The following RBFOX1 variants were observed in gnomAD, a reference collection of about 807,000 sequenced individuals.
RBFOX1 encodes RNA binding protein fox-1 homolog 1.
In RBFOX1, 8 loss-of-function variants were observed where a neutral mutation model predicts 57.7. That is an observed-to-expected ratio of 0.14 (90% CI 0.08 to 0.25). The LOEUF is 0.25. Among genes scored for constraint, RBFOX1 ranks in the 10% least tolerant of loss-of-function variants. The pLI, the probability that RBFOX1 is intolerant of heterozygous loss-of-function variation, is 1.00. For missense variants in RBFOX1, 611 were observed against 548.5 expected (o/e 1.11, Z -1.14); for synonymous variants, 326 against 222.4 (o/e 1.47, Z -4.15).
chr16:7,175,634 C>G (rs560945836), intron 4 of RBFOX1, among the ~76,000 whole-genome samples: 1 of 152,182 alleles, frequency 6.6e-6, no homozygotes, highest in Non-Finnish European at 1.5e-5. Context: ...TTATCTCACC[C>G]CAACAGCTGT....
intron 2 of RBFOX1, among the ~76,000 whole-genome samples, chr16:6,512,420 G>A (rs1450448565): frequency 1.3e-5 from 2 of 152,084 alleles, no homozygotes; most frequent in African/African-American, 2.4e-5. Flanking sequence ...GGAATGCGTT[G>A]CATTCAGGCC....
At chr16:7,632,707 G>A (rs995513699) in intron 11 of RBFOX1, among the ~76,000 whole-genome samples, 6 of 152,082 alleles carry the variant, frequency 3.9e-5, no homozygotes, top group African/African-American at 1.5e-4. Context: ...CTCTAACATT[G>A]CGGTCCTATA....
Position 7,710,682 on chromosome 16 carries a change from C to T in RBFOX1, c.1131C>T (p.Leu377=), listed in dbSNP as rs1251126279. The T allele has an allele frequency of 1.9e-6, 3 of 1,613,466 alleles. No individual in the cohort carries two copies. Among genetic ancestry groups the T allele is most frequent in the Non-Finnish European group, 1.7e-6 (2 of 1,179,622 alleles). The change falls in exon 16 of 16, where the codon CTC becomes CTT. Residue 377 remains leucine, a synonymous_variant. Transcript: ENST00000550418. ...GGAGCCATGCTGATGATGTGGGTCT[C>T]GTTCTTTCTTCATTGCAGGCTAGTA... ...KTRSHADDVG[L]VLSSLQASIY...
At chr16:7,655,537 A>G (rs958321287) in intron 12 of RBFOX1, among the ~76,000 whole-genome samples, 2 of 152,260 alleles carry the variant, frequency 1.3e-5, no homozygotes, top group African/African-American at 4.8e-5. Context: ...TATCTCTGGT[A>G]TCACAGCAAT....
intron 4 of RBFOX1, among the ~76,000 whole-genome samples, chr16:7,433,504 C>T (rs1212094782): frequency 6.6e-6 from 1 of 152,150 alleles, no homozygotes; most frequent in Non-Finnish European, 1.5e-5. Context: ...TGTTGGAGTA[C>T]AGACAAATGC....
chr16:6,813,572 T>C (rs2089306405), intron 3 of RBFOX1, among the ~76,000 whole-genome samples: 1 of 152,166 alleles, frequency 6.6e-6, no homozygotes, highest in Non-Finnish European at 1.5e-5. Context: ...AAGTGTCTCT[T>C]TCATCTTCTG....
intron 2 of RBFOX1, among the ~76,000 whole-genome samples, chr16:5,511,071 C>A (rs535946305): frequency 1.3e-5 from 2 of 151,944 alleles, no homozygotes; most frequent in East Asian, 3.9e-4. Flanking sequence ...TGCAATTGGC[C>A]GTGAAAAAAA....
At chr16:6,295,420 G>T (rs2077992508) in intron 1 of RBFOX1, among the ~76,000 whole-genome samples, 1 of 152,138 alleles carries the variant, frequency 6.6e-6, no homozygotes, top group Admixed American at 6.5e-5. Context: ...CACCGTGCCT[G>T]GCCCCTTAAG....
intron 3 of RBFOX1, among the ~76,000 whole-genome samples, chr16:6,719,050 A>G (rs138080311): frequency 1.3e-5 from 2 of 152,020 alleles, no homozygotes; most frequent in African/African-American, 2.4e-5. Context: ...TATTTTTTGT[A>G]CAGATGAGAC....
At chr16:6,761,120 A>C (rs904153973) in intron 3 of RBFOX1, among the ~76,000 whole-genome samples, 2 of 152,182 alleles carry the variant, frequency 1.3e-5, no homozygotes, top group Non-Finnish European at 2.9e-5. Flanking sequence ...ACGACTGACA[A>C]TGCCTTAGAA....
chr16:5,327,052 G>A (rs2064596462), intron 1 of RBFOX1, among the ~76,000 whole-genome samples: 1 of 152,194 alleles, frequency 6.6e-6, no homozygotes. Context: ...AAAATGCTAT[G>A]GGAAAAGTAA....
chr16:6,150,667 C>T, intron 1 of RBFOX1, among the ~76,000 whole-genome samples: 1 of 152,128 alleles, frequency 6.6e-6, no homozygotes, highest in East Asian at 1.9e-4. Flanking sequence ...TATCTCATTG[C>T]TGGTCCTAAT....
At chr16:6,729,074 C>A (rs1015157007) in intron 3 of RBFOX1, among the ~76,000 whole-genome samples, 2 of 152,076 alleles carry the variant, frequency 1.3e-5, no homozygotes, top group Admixed American at 1.3e-4. Flanking sequence ...TTCCCAGTGG[C>A]CTCAGAAGTG....
chr16:7,200,768 T>C (rs2088166972), intron 4 of RBFOX1, among the ~76,000 whole-genome samples: 1 of 152,156 alleles, frequency 6.6e-6, no homozygotes, highest in African/African-American at 2.4e-5. Flanking sequence ...TAGACATGCA[T>C]CCTGGGAAAA....
intron 4 of RBFOX1, among the ~76,000 whole-genome samples, chr16:7,097,611 C>T (rs1209747235): frequency 1.3e-5 from 2 of 152,118 alleles, no homozygotes; most frequent in Admixed American, 1.3e-4. Context: ...GATGCTGTTG[C>T]CACTCATAAT....
intron 2 of RBFOX1, among the ~76,000 whole-genome samples, chr16:6,358,549 A>G (rs1270213370): frequency 6.6e-6 from 1 of 152,226 alleles, no homozygotes; most frequent in Non-Finnish European, 1.5e-5. Flanking sequence ...AACAATTTGA[A>G]TAGATTTCAT....
At chr16:6,954,963 G>C (rs373436953) in intron 3 of RBFOX1, among the ~76,000 whole-genome samples, 7 of 152,110 alleles carry the variant, frequency 4.6e-5, no homozygotes, top group South Asian at 2.1e-4. Flanking sequence ...GGGTGTGGTG[G>C]CTCGTGCCCA....
intron 3 of RBFOX1, among the ~76,000 whole-genome samples, chr16:6,944,070 C>G (rs1258877144): frequency 2.6e-5 from 4 of 152,072 alleles, no homozygotes; most frequent in African/African-American, 9.7e-5. Context: ...AAGCCTGAAA[C>G]CTGTGGCTCA....
rs543940023 is a variant in RBFOX1 at position 6,026,819 on chromosome 16, A to G, written c.-127+6827A>G. 2.6e-5 allele frequency among the ~76,000 whole-genome samples: 4 copies of G among 152,228 alleles called. No individual in the cohort carries two copies. In the East Asian group the frequency reaches 7.8e-4, roughly 30 times the overall value. ...TATCTAGGCTCACGCTCTGAGTATG[A>G]TTTTGAGGGAGCGGTTGGACCACCT... On this transcript the variant is annotated intron_variant, in intron 1 of 15. Transcript: ENST00000550418.
Sources: gnomAD v4.1 joint callset for allele counts (sites outside exome capture counted in the v4.1 genomes callset) on GRCh38, gnomAD v4.1.1 for gene constraint, MANE v1.5 for transcripts, NCBI Gene and HGNC (gene_info 2026-07-23, HGNC 2026-07-21) for gene names.